Variants in PCDHA5 observed in about 807,000 individuals in gnomAD.
The protein encoded by PCDHA5 is protocadherin alpha-5.
A neutral mutation model predicts 61.6 loss-of-function variants in PCDHA5; 43 were observed. That is an observed-to-expected ratio of 0.70 (90% CI 0.55 to 0.90). The LOEUF is 0.90. Ranked by LOEUF, PCDHA5 falls within the 40% of genes least tolerant of loss-of-function variation. PCDHA5 has a pLI of 0.00. For missense variants in PCDHA5, 1,298 were observed against 1,222.7 expected (o/e 1.06, Z -0.92); for synonymous variants, 627 against 543.9 (o/e 1.15, Z -2.13).
At chr5:140,877,812 A>AGT (rs1199623134) in intron 1 of PCDHA5, 1 of 1,610,228 alleles carries the variant, frequency 6.2e-7, no homozygotes, top group East Asian at 2.2e-5. Context: ...AGCTGTCTCG[A>AGT]GAAGATTGTT....
At position 140,868,819 on chromosome 5, in the gene PCDHA5, G is replaced by A. The variant is rs2050665181; in HGVS notation, c.2352+44692G>A. The A allele has an allele frequency of 7.5e-5, 29 of 388,032 alleles. No individual in the cohort carries two copies. In the East Asian group the frequency reaches 1.2e-3, roughly 16 times the overall value. The allele number at this position is 388,032 out of a possible 1,614,324, so 24.0% of individuals were successfully genotyped here. On this transcript the variant is annotated intron_variant, in intron 1 of 3. Transcript: ENST00000529859. ...ATAAATAAGCACGTTGGAAATATTT[G>A]GGGGAAGAAACCCAAAACACGTGAA...
intron 1 of PCDHA5, among the ~76,000 whole-genome samples, chr5:140,902,333 T>C (rs1248113110): frequency 6.6e-6 from 1 of 151,758 alleles, no homozygotes; most frequent in Non-Finnish European, 1.5e-5. Context: ...TCACTTCGCC[T>C]GGCCTAGGAA....
At chr5:140,956,754 C>T (rs1470553559) in intron 1 of PCDHA5, among the ~76,000 whole-genome samples, 5 of 152,140 alleles carry the variant, frequency 3.3e-5, no homozygotes, top group African/African-American at 1.2e-4. Flanking sequence ...TGATAGAATT[C>T]AGCTGTAAAT....
intron 1 of PCDHA5, chr5:140,863,799 G>T: frequency 4.7e-6 from 1 of 212,460 alleles, no homozygotes; most frequent in Non-Finnish European, 9.6e-6. Context: ...AGGAGTTTGA[G>T]ACCAGCCTGG....
chr5:140,884,057 G>C lies in PCDHA5; in HGVS notation c.2352+59930G>C, dbSNP rs141156800. On this transcript the variant is annotated intron_variant, in intron 1 of 3. Transcript: ENST00000529859. ...CCACGTGGTGGCGAAGGTGCGCGCG[G>C]TGGACGCCGATTCGGGCTACAATGC... 6.2e-6 allele frequency: 10 copies of C among 1,613,422 alleles called. No homozygotes were observed. In the African/African-American group the frequency reaches 1.3e-4, roughly 22 times the overall value.
intron 1 of PCDHA5, among the ~76,000 whole-genome samples, chr5:140,832,922 A>T (rs1396769346): frequency 5.9e-5 from 9 of 152,314 alleles, no homozygotes; most frequent in African/African-American, 1.7e-4. Flanking sequence ...ACTAACAGGT[A>T]TTCATGAGAA....
intron 1 of PCDHA5, among the ~76,000 whole-genome samples, chr5:140,922,269 T>C (rs782114145): frequency 1.3e-5 from 2 of 152,214 alleles, no homozygotes; most frequent in Non-Finnish European, 2.9e-5. Context: ...GCCATGAAGA[T>C]TGGACCAAGA....
chr5:140,893,112 G>T (rs782797637), intron 1 of PCDHA5, among the ~76,000 whole-genome samples: 5 of 152,148 alleles, frequency 3.3e-5, no homozygotes, highest in Non-Finnish European at 7.3e-5. Flanking sequence ...ATTCCGTTGT[G>T]CATATACACC....
At chr5:140,852,176 A>G in intron 1 of PCDHA5, 1 of 792,442 alleles carries the variant, frequency 1.3e-6, no homozygotes, top group South Asian at 5.6e-5. Flanking sequence ...CACAAAAATA[A>G]CTATGAAAAT....
intron 1 of PCDHA5, chr5:140,850,650 A>C (rs2150492229): frequency 6.3e-7 from 1 of 1,598,426 alleles, no homozygotes; most frequent in East Asian, 2.2e-5. Flanking sequence ...GCTGCTGTAC[A>C]CTGTGCTGCG....
chr5:140,850,103 C>A lies in PCDHA5; in HGVS notation c.2352+25976C>A, dbSNP rs2150467019. On this transcript the variant is annotated intron_variant, in intron 1 of 3. Transcript: ENST00000529859. Reference sequence around the variant, plus strand: ...TGGAGCTGCTACAGTTCCAGGTGAGCGCGCGCGACGCGGGCGTGCCGCCTC... The same window carrying A: ...TGGAGCTGCTACAGTTCCAGGTGAGAGCGCGCGACGCGGGCGTGCCGCCTC... The A allele has an allele frequency of 1.7e-5, 27 of 1,595,988 alleles. 3 individuals are homozygous for A. The highest frequency in any genetic ancestry group is 2.2e-5 in the East Asian group (1 of 44,852).
At chr5:140,986,213 C>T (rs1554247816) in intron 3 of PCDHA5, among the ~76,000 whole-genome samples, 2 of 152,208 alleles carry the variant, frequency 1.3e-5, no homozygotes, top group Non-Finnish European at 2.9e-5. Context: ...TTACTGGCCC[C>T]TTTCTCTAGC....
At chr5:140,885,203 C>A (rs1348633653) in intron 1 of PCDHA5, among the ~76,000 whole-genome samples, 2 of 151,986 alleles carry the variant, frequency 1.3e-5, no homozygotes, top group African/African-American at 2.4e-5. Flanking sequence ...TCTCATATAT[C>A]CCATGAAAAA....
intron 1 of PCDHA5, among the ~76,000 whole-genome samples, chr5:140,970,887 G>A (rs2096441583): frequency 6.6e-6 from 1 of 152,118 alleles, no homozygotes; most frequent in Non-Finnish European, 1.5e-5. Context: ...TTTTCTCATG[G>A]ACATTTCAGA....
rs2150352626 is a variant in PCDHA5, at chr5:140,843,105, G to T, written c.2352+18978G>T. On this transcript the variant is annotated intron_variant, in intron 1 of 3. Coordinates refer to ENST00000529859, the MANE Select transcript of PCDHA5 (RefSeq NM_018908.3). ...GCGGGCCACGTGGTAGCGAAGGTGC[G>T]CGCAGTGGACGCCGACTCGGGCTAC... 11 of 1,595,772 alleles carry T rather than the reference G, an allele frequency of 6.9e-6. 2 individuals carry two copies. Among genetic ancestry groups the T allele is most frequent in the Non-Finnish European group, 9.4e-6 (11 of 1,165,508 alleles).
In PCDHA5 at chr5:141,007,573, TA is replaced by T. The variant is rs1265481031; in HGVS notation, c.2501-2048del. Among the ~76,000 whole-genome samples, 3 of 151,796 alleles carry T rather than the reference TA, an allele frequency of 2.0e-5. No homozygotes were observed. The East Asian group carries it at 5.8e-4, about 29-fold the overall frequency. On this transcript the variant is annotated intron_variant, in intron 3 of 3. Coordinates refer to ENST00000529859, the MANE Select transcript of PCDHA5 (RefSeq NM_018908.3). ...ACAGAGCAAGGCTCTATCTCAAATTTAAAAAATAATAATCATGATAATAATA... is the reference window on the plus strand; with the variant it reads ...ACAGAGCAAGGCTCTATCTCAAATTTAAAAATAATAATCATGATAATAATA...
At chr5:140,843,828 T>G (rs1779111398) in intron 1 of PCDHA5, 1 of 1,176,020 alleles carries the variant, frequency 8.5e-7, no homozygotes, top group South Asian at 1.5e-5. Context: ...ATTTAAACAT[T>G]GTTTAGTTTT....
rs2150272334 is a variant in PCDHA5 at position 140,837,015 on chromosome 5, T to C, written c.2352+12888T>C. On this transcript the variant is annotated intron_variant, in intron 1 of 3. Coordinates refer to ENST00000529859, the MANE Select transcript of PCDHA5 (RefSeq NM_018908.3). ...GCTAACTGGAGCAATGGATTCACCT[T>C]TCTTCTATAGTGTATTTACAAAATC... The C allele has an allele frequency of 2.4e-4, 72 of 298,058 alleles. 1 individual carries two copies. In the East Asian group the frequency reaches 3.4e-3, roughly 14 times the overall value. The allele number at this position is 298,058 out of a possible 1,614,324, so 18.5% of individuals were successfully genotyped here.
chr5:140,882,731 G>C, intron 1 of PCDHA5: 1 of 1,614,232 alleles, frequency 6.2e-7, no homozygotes, highest in Non-Finnish European at 8.5e-7. Flanking sequence ...ATTTCCACTA[G>C]ATGGCGCATC....
Sources: gnomAD v4.1 joint callset for allele counts (sites outside exome capture counted in the v4.1 genomes callset) on GRCh38, gnomAD v4.1.1 for gene constraint, MANE v1.5 for transcripts, NCBI Gene and HGNC (gene_info 2026-07-23, HGNC 2026-07-21) for gene names.